TSHR: variants seen among roughly 807,000 people sequenced by gnomAD.
TSHR encodes the protein thyrotropin receptor.
A neutral mutation model predicts 64.1 loss-of-function variants in TSHR; 51 were observed. That is an observed-to-expected ratio of 0.80 (90% CI 0.64 to 1.01). TSHR has a LOEUF of 1.01. Ranked by LOEUF, TSHR falls within the 50% of genes least tolerant of loss-of-function variation. The pLI, the probability that TSHR is intolerant of heterozygous loss-of-function variation, is 0.00. For synonymous variants in TSHR, 361 were observed against 361.9 expected, an observed-to-expected ratio of 1.00 and a Z score of 0.03; for missense variants, 877 against 942.8, an observed-to-expected ratio of 0.93 and a Z score of 0.91.
At chr14:81,042,045 C>T (rs1031366040) in intron 1 of TSHR, among the ~76,000 whole-genome samples, 9 of 151,996 alleles carry the variant, frequency 5.9e-5, no homozygotes, top group African/African-American at 2.2e-4. Flanking sequence ...TGAAAATATG[C>T]TTAACATTAC....
At chr14:81,093,030 T>A (rs541178316) in intron 6 of TSHR, among the ~76,000 whole-genome samples, 26 of 152,310 alleles carry the variant, frequency 1.7e-4, no homozygotes, top group Admixed American at 1.7e-3. Context: ...TATGGAATAA[T>A]CATCTGTATC....
At chr14:81,117,193 T>A (rs1890556911) in intron 8 of TSHR, among the ~76,000 whole-genome samples, 1 of 95,760 alleles carries the variant, frequency 1.0e-5, no homozygotes, top group South Asian at 4.1e-4. Flanking sequence ...AGAGCAGAAC[T>A]GAAGGAAATA....
At chr14:80,974,672 C>T (rs896883763) in intron 1 of TSHR, among the ~76,000 whole-genome samples, 2 of 152,136 alleles carry the variant, frequency 1.3e-5, no homozygotes. Context: ...GTCTAATGTA[C>T]TTGTGAAGGA....
chr14:81,103,394 CA>C lies in TSHR; in HGVS notation c.615-4977del. The C allele has an allele frequency of 1.7e-5, 17 of 985,368 alleles. No homozygotes were observed. Among genetic ancestry groups the C allele is most frequent in the Non-Finnish European group, 1.9e-5 (16 of 829,934 alleles). 61.0% of individuals were successfully genotyped at this position (985,368 alleles called of 1,614,324 possible). ...GTTCTCATTTAAACAATGTGTCATC[CA>C]AAAGAGCAATCATCCCCTATCATTC... On this transcript the variant is annotated intron_variant, in intron 7 of 9. Transcript: ENST00000298171. The surrounding 1 kb of genome is among the most constrained non-coding windows in gnomAD (Gnocchi z 4.1).
At chr14:81,094,774 C>T (rs1429330740) in intron 6 of TSHR, among the ~76,000 whole-genome samples, 4 of 145,446 alleles carry the variant, frequency 2.8e-5, no homozygotes, top group South Asian at 2.2e-4. Context: ...GCAACCTCCG[C>T]CTCCCAGGTT....
In TSHR at chr14:81,133,260, A is replaced by G. The variant is rs554750154; in HGVS notation, c.693-6419A>G. ...TTATACATCCACAAGAATTTTTACT[A>G]TGCATACATTCACAGAAGACAGGTG... On this transcript the variant is annotated intron_variant, in intron 8 of 9. Coordinates refer to ENST00000298171, the MANE Select transcript of TSHR (RefSeq NM_000369.5). Among the ~76,000 whole-genome samples, 3 of 152,370 alleles carry G rather than the reference A, an allele frequency of 2.0e-5. No individual in the cohort carries two copies. In the South Asian group the frequency reaches 6.2e-4, roughly 32 times the overall value.
At chr14:81,138,801 T>C (rs1284526433) in intron 8 of TSHR, among the ~76,000 whole-genome samples, 3 of 152,214 alleles carry the variant, frequency 2.0e-5, no homozygotes, top group Non-Finnish European at 2.9e-5. Context: ...TGAGGAATAT[T>C]TTAATTGACA....
In TSHR at chr14:81,103,321, T is replaced by C. The variant is rs2140016427; in HGVS notation, c.615-5054T>C. The C allele has an allele frequency of 1.0e-6, 1 of 985,472 alleles. No individual in the cohort carries two copies. The allele number at this position is 985,472 out of a possible 1,614,324, so 61.0% of individuals were successfully genotyped here. On this transcript the variant is annotated intron_variant, in intron 7 of 9. Coordinates refer to ENST00000298171, the MANE Select transcript of TSHR (RefSeq NM_000369.5). This position sits in a 1 kb window ranked among gnomAD's most constrained non-coding sequence, Gnocchi z 4.1. ...TAGTGTTCAAGGATTTCACATGGCA[T>C]GTTAGCAATTTGGTAATTTCTCCAG...
At chr14:81,072,423 A>G (rs951631282) in intron 3 of TSHR, among the ~76,000 whole-genome samples, 4 of 152,212 alleles carry the variant, frequency 2.6e-5, no homozygotes, top group Admixed American at 2.6e-4. Context: ...TTAAACTTTA[A>G]TAAATCATAA....
intron 1 of TSHR, chr14:81,052,533 T>G (rs1279384494): frequency 1.3e-5 from 2 of 152,204 alleles, no homozygotes; most frequent in African/African-American, 4.8e-5. Flanking sequence ...ATTCAGGGTC[T>G]ATTGTGGCTC....
intron 1 of TSHR, chr14:80,991,667 T>C (rs1888731954): frequency 2.5e-6 from 1 of 398,218 alleles, no homozygotes; most frequent in African/African-American, 2.1e-5. Context: ...CAAAAGACAT[T>C]GTAAAGTTAC....
At chr14:80,999,294 G>A (rs976612689) in intron 1 of TSHR, among the ~76,000 whole-genome samples, 1 of 152,060 alleles carries the variant, frequency 6.6e-6, no homozygotes, top group African/African-American at 2.4e-5. Context: ...ATGTTCACCA[G>A]AGCCATCATG....
At chr14:81,129,971 T>C (rs890390707) in intron 8 of TSHR, among the ~76,000 whole-genome samples, 8 of 152,198 alleles carry the variant, frequency 5.3e-5, no homozygotes, top group African/African-American at 1.9e-4. Flanking sequence ...AAACAATGTT[T>C]CGTGAATATG....
chr14:81,076,991 ATT>A, intron 3 of TSHR, among the ~76,000 whole-genome samples: 2 of 152,072 alleles, frequency 1.3e-5, no homozygotes, highest in Non-Finnish European at 2.9e-5. Context: ...ACCTCAGGGT[ATT>A]CACATGCTTT....
intron 7 of TSHR, among the ~76,000 whole-genome samples, chr14:81,106,515 G>C (rs994522595): frequency 6.6e-6 from 1 of 152,086 alleles, no homozygotes; most frequent in Non-Finnish European, 1.5e-5. Flanking sequence ...TGGCTGGGGA[G>C]ACAAAAAATA....
chr14:81,056,272 G>A (rs143589523), intron 1 of TSHR, among the ~76,000 whole-genome samples: 11 of 151,990 alleles, frequency 7.2e-5, no homozygotes, highest in East Asian at 5.8e-4. Context: ...CTTTTTCTTC[G>A]CAGTCTCGGG....
At chr14:81,113,636 A>G (rs573439301) in intron 8 of TSHR, among the ~76,000 whole-genome samples, 11 of 152,344 alleles carry the variant, frequency 7.2e-5, no homozygotes, top group Admixed American at 2.0e-4. Context: ...ATTAAAAAGC[A>G]TGTATTTTTA....
At chr14:80,961,168 G>T (rs1374430387) in intron 1 of TSHR, among the ~76,000 whole-genome samples, 1 of 152,204 alleles carries the variant, frequency 6.6e-6, no homozygotes, top group Admixed American at 6.5e-5. Flanking sequence ...CCTCTACATT[G>T]CTCATTACTT....
intron 8 of TSHR, among the ~76,000 whole-genome samples, chr14:81,135,004 A>C (rs1891397289): frequency 1.3e-5 from 2 of 152,244 alleles, no homozygotes. Flanking sequence ...ATGGGGTCAT[A>C]CTTACCAAAA....
Sources: gnomAD v4.1 joint callset for allele counts (sites outside exome capture counted in the v4.1 genomes callset) on GRCh38, gnomAD v4.1.1 for gene constraint, Gnocchi (gnomAD v3.1) non-coding constraint, MANE v1.5 for transcripts, NCBI Gene and HGNC (gene_info 2026-07-23, HGNC 2026-07-21) for gene names.